MAN1A1: variants seen among roughly 807,000 people sequenced by gnomAD.
MAN1A1 encodes mannosyl-oligosaccharide 1,2-alpha-mannosidase IA.
Under a neutral mutation model 70.8 loss-of-function variants are expected in MAN1A1, and 29 were observed. The ratio of observed to expected loss-of-function variants is 0.41; its 90% CI spans 0.31 to 0.56. MAN1A1 has a LOEUF of 0.56. Ranked by LOEUF, MAN1A1 falls within the 20% of genes least tolerant of loss-of-function variation. MAN1A1 has a pLI of 0.29. For missense variants in MAN1A1, 747 were observed against 841.3 expected (o/e 0.89, Z 1.39); for synonymous variants, 349 against 330.1 (o/e 1.06, Z -0.62).
Position 119,348,577 on chromosome 6 carries a change from A to G in MAN1A1, c.489T>C (p.Arg163=), listed in dbSNP as rs1773804827. ...EKKKVAQDQL[R]DKAPFRGLPP... ...GCAGGCCTCTGAACGGCGCCTTGTC[A>G]CGCAGCTGGTCCTGGGCCACCTTCT... Residue 163 remains arginine (R), a synonymous_variant, in exon 2 of 13, where the codon CGT becomes CGC. Coordinates refer to ENST00000368468, the MANE Select transcript of MAN1A1 (RefSeq NM_005907.4). 6.2e-7 allele frequency: 1 copy of G among 1,613,766 alleles called. No homozygotes were observed. Among genetic ancestry groups the G allele is most frequent in the African/African-American group, 1.3e-5 (1 of 74,914 alleles).
At chr6:119,316,457 T>C (rs972497575) in intron 2 of MAN1A1, among the ~76,000 whole-genome samples, 3 of 152,052 alleles carry the variant, frequency 2.0e-5, no homozygotes, top group African/African-American at 7.2e-5. Context: ...TGAGCCACCA[T>C]GCCCAGCCAA....
In MAN1A1 at chr6:119,201,251, T is replaced by C; in HGVS notation, c.1210+3A>G. The C allele has an allele frequency of 6.2e-7, 1 of 1,607,884 alleles. No individual in the cohort carries two copies. Among genetic ancestry groups the C allele is most frequent in the Non-Finnish European group, 8.5e-7 (1 of 1,174,390 alleles). On this transcript the variant is annotated splice_donor_region_variant and intron_variant, in intron 8 of 12. Coordinates refer to ENST00000368468, the MANE Select transcript of MAN1A1 (RefSeq NM_005907.4). ...CTATAATAATGCAAATCTTCTGACT[T>C]ACGTTGACCCCACTGTCCACTACTG...
chr6:119,234,137 C>T (rs1273354956), intron 6 of MAN1A1, among the ~76,000 whole-genome samples: 1 of 152,114 alleles, frequency 6.6e-6, no homozygotes, highest in Non-Finnish European at 1.5e-5. Flanking sequence ...CTTGATCTCC[C>T]ACTTCAAGAT....
At chr6:119,272,543 G>A (rs1775952435) in intron 5 of MAN1A1, among the ~76,000 whole-genome samples, 2 of 152,038 alleles carry the variant, frequency 1.3e-5, no homozygotes, top group Admixed American at 1.3e-4. Context: ...TTCCATGTAT[G>A]TTAGTAATAA....
chr6:119,302,455 A>C (rs1332229525), intron 3 of MAN1A1, among the ~76,000 whole-genome samples: 2 of 151,766 alleles, frequency 1.3e-5, no homozygotes, highest in Non-Finnish European at 2.9e-5. Context: ...GATCTCAGCA[A>C]ATTGCAACCT....
At chr6:119,260,976 G>GCTGTTTTTT in intron 5 of MAN1A1, among the ~76,000 whole-genome samples, 1 of 116,954 alleles carries the variant, frequency 8.6e-6, no homozygotes, top group Non-Finnish European at 1.7e-5. Context: ...TTTTTTTATT[G>GCTGTTTTTT]TTTTTTTTTT....
chr6:119,180,086 AG>A (rs1250623166), intron 12 of MAN1A1, 141 bp from the exon 13 acceptor site: 19 of 936,402 alleles, frequency 2.0e-5, no homozygotes, highest in Middle Eastern at 4.4e-4. Context: ...CAAAACCCTG[AG>A]GGGTTATACT....
At chr6:119,345,475 G>A (rs1773703759) in intron 2 of MAN1A1, among the ~76,000 whole-genome samples, 2 of 152,124 alleles carry the variant, frequency 1.3e-5, no homozygotes, top group African/African-American at 4.8e-5. Context: ...ATTCTATTTT[G>A]AAGTTTTACA....
intron 5 of MAN1A1, among the ~76,000 whole-genome samples, chr6:119,284,505 A>G (rs983013711): frequency 6.6e-6 from 1 of 152,262 alleles, no homozygotes; most frequent in East Asian, 1.9e-4. Flanking sequence ...AAGCTTTATC[A>G]GCTTTTCTTT....
intron 5 of MAN1A1, among the ~76,000 whole-genome samples, chr6:119,273,545 A>G (rs1244181984): frequency 6.6e-6 from 1 of 152,206 alleles, no homozygotes; most frequent in East Asian, 1.9e-4. Flanking sequence ...TTTACTAAAT[A>G]TATAAAATAT....
chr6:119,283,866 A>G (rs1271262645), intron 5 of MAN1A1, among the ~76,000 whole-genome samples: 1 of 152,118 alleles, frequency 6.6e-6, no homozygotes, highest in Admixed American at 6.6e-5. Flanking sequence ...TTGCAAGAAG[A>G]CTGTGTGGAG....
chr6:119,336,079 A>AT (rs902342390), intron 2 of MAN1A1, among the ~76,000 whole-genome samples: 6 of 151,746 alleles, frequency 4.0e-5, no homozygotes, highest in African/African-American at 1.2e-4. Flanking sequence ...TTTTATTATT[A>AT]TTTTTTTTGA....
chr6:119,305,277 C>T (rs1772497523), intron 3 of MAN1A1, among the ~76,000 whole-genome samples: 1 of 152,000 alleles, frequency 6.6e-6, no homozygotes, highest in Admixed American at 6.6e-5. Flanking sequence ...ACCAAATAGT[C>T]CCTCTGATAA....
intron 8 of MAN1A1, among the ~76,000 whole-genome samples, chr6:119,194,280 T>C (rs1216968117): frequency 6.6e-6 from 1 of 152,210 alleles, no homozygotes; most frequent in Admixed American, 6.5e-5. Flanking sequence ...TAGCAAATCT[T>C]TTTTAGAAGG....
intron 5 of MAN1A1, among the ~76,000 whole-genome samples, chr6:119,283,234 T>C (rs1776267745): frequency 6.6e-6 from 1 of 152,242 alleles, no homozygotes. Context: ...TCCAGGCTAG[T>C]TGCTTATTTA....
chr6:119,184,345 T>C (rs184235864), intron 11 of MAN1A1, among the ~76,000 whole-genome samples: 20 of 152,318 alleles, frequency 1.3e-4, no homozygotes. Flanking sequence ...ATGTTTATAA[T>C]GATTGGAGCT....
chr6:119,203,382 C>T (rs1773769865), intron 7 of MAN1A1, among the ~76,000 whole-genome samples: 1 of 151,994 alleles, frequency 6.6e-6, no homozygotes, highest in Non-Finnish European at 1.5e-5. Context: ...CCTGAGGAGA[C>T]AGCAGGTTTG....
chr6:119,303,195 T>G (rs745831753), intron 3 of MAN1A1, among the ~76,000 whole-genome samples: 2 of 152,084 alleles, frequency 1.3e-5, no homozygotes, highest in African/African-American at 2.4e-5. Flanking sequence ...ATTTTAAAAT[T>G]TTTTTTGTAC....
chr6:119,201,165 C>A, intron 8 of MAN1A1, 89 bp downstream of exon 8: 1 of 954,044 alleles, frequency 1.0e-6, no homozygotes, highest in Non-Finnish European at 1.7e-6. Context: ...AAACATTTCT[C>A]AACAAAATCT....
Sources: allele counts gnomAD v4.1 joint callset (sites outside exome capture counted in the v4.1 genomes callset), GRCh38; gene constraint gnomAD v4.1.1; transcripts MANE v1.5; gene names NCBI Gene and HGNC (gene_info 2026-07-23, HGNC 2026-07-21).